Variants in LRRC4C observed in about 807,000 individuals in gnomAD.
LRRC4C encodes leucine rich repeat containing 4C.
A neutral mutation model predicts 33.6 loss-of-function variants in LRRC4C; 5 were observed. The observed-to-expected ratio is 0.15, with a 90% CI of 0.08 to 0.31. The LOEUF is 0.31. Ranked by LOEUF, LRRC4C falls within the 10% of genes least tolerant of loss-of-function variation. The probability of loss-of-function intolerance (pLI) is 1.00; values close to 1 mark genes in which losing one functional copy is unlikely to be tolerated. For missense variants in LRRC4C, 560 were observed against 796.7 expected, an observed-to-expected ratio of 0.70 and a Z score of 3.58; for synonymous variants, 329 against 302.0, an observed-to-expected ratio of 1.09 and a Z score of -0.93.
intron 3 of LRRC4C, among the ~76,000 whole-genome samples, chr11:40,365,489 C>A (rs1023672683): frequency 2.6e-5 from 4 of 151,960 alleles, no homozygotes; most frequent in Admixed American, 6.6e-5. Context: ...CCCTGTGATA[C>A]ATCATCCTAC....
rs188645562 is a variant in LRRC4C, at chr11:41,248,582, A to G, written c.-496+210849T>C. Among the ~76,000 whole-genome samples the G allele has an allele frequency of 7.9e-5, 12 of 151,986 alleles. No homozygotes were observed. In the East Asian group the frequency reaches 2.3e-3, roughly 29 times the overall value. On this transcript the variant is annotated intron_variant, in intron 1 of 6. Coordinates refer to ENST00000528697, the MANE Select transcript of LRRC4C (RefSeq NM_001258419.2). The stretch of plus-strand genomic sequence containing the variant: ...TGGTTGGATCTGCCCCATTGTCCCT[A>G]CCTGTATGAAATGGAATATCACAGG...
chr11:40,428,321 A>AT (rs2137819328), intron 3 of LRRC4C, among the ~76,000 whole-genome samples: 1 of 152,316 alleles, frequency 6.6e-6, no homozygotes, highest in East Asian at 1.9e-4. Context: ...TTCCAAAAGG[A>AT]TTTTATAACT....
intron 3 of LRRC4C, among the ~76,000 whole-genome samples, chr11:40,590,230 A>G (rs1030594233): frequency 1.3e-5 from 2 of 150,962 alleles, no homozygotes; most frequent in Admixed American, 6.6e-5. Context: ...TCTTCATTTC[A>G]TCTTCCATTG....
At chr11:40,900,435 G>T (rs1481530586) in intron 2 of LRRC4C, among the ~76,000 whole-genome samples, 1 of 151,974 alleles carries the variant, frequency 6.6e-6, no homozygotes, top group African/African-American at 2.4e-5. Flanking sequence ...AAACCACTTG[G>T]CAATAATTGT....
intron 3 of LRRC4C, among the ~76,000 whole-genome samples, chr11:40,521,318 T>A (rs1955802272): frequency 6.6e-6 from 1 of 152,180 alleles, no homozygotes; most frequent in East Asian, 1.9e-4. Flanking sequence ...AGATAATAAG[T>A]CATTAAATAA....
intron 1 of LRRC4C, among the ~76,000 whole-genome samples, chr11:41,006,890 T>G (rs1854793224): frequency 6.6e-6 from 1 of 152,128 alleles, no homozygotes; most frequent in African/African-American, 2.4e-5. Flanking sequence ...CATAGATTTC[T>G]TCTTAAAGAA....
intron 1 of LRRC4C, among the ~76,000 whole-genome samples, chr11:41,454,886 G>C (rs1956130867): frequency 6.6e-6 from 1 of 152,124 alleles, no homozygotes; most frequent in African/African-American, 2.4e-5. Context: ...ACAGGAATGA[G>C]AGAATATATG....
At position 40,308,536 on chromosome 11, in the gene LRRC4C, G is replaced by A. The variant is rs549371528; in HGVS notation, c.-176+11092C>T. 2.0e-5 allele frequency among the ~76,000 whole-genome samples: 3 copies of A among 152,262 alleles called. No individual in the cohort carries two copies. The South Asian group carries it at 6.2e-4, about 32-fold the overall frequency. On this transcript the variant is annotated intron_variant, in intron 4 of 6. Coordinates refer to ENST00000528697, the MANE Select transcript of LRRC4C (RefSeq NM_001258419.2). Reference sequence around the variant, plus strand: ...GGGAGATTATCCTGGATGACCTGGTGGGTCCAATGTAATTATAAGGGTCCT... The same window carrying A: ...GGGAGATTATCCTGGATGACCTGGTAGGTCCAATGTAATTATAAGGGTCCT...
chr11:40,384,962 T>C (rs190810545), intron 3 of LRRC4C, among the ~76,000 whole-genome samples: 5 of 151,476 alleles, frequency 3.3e-5, no homozygotes, highest in Admixed American at 3.3e-4. Context: ...CTATTTTTAC[T>C]ACATTATTTT....
intron 1 of LRRC4C, among the ~76,000 whole-genome samples, chr11:41,130,672 C>T (rs958659774): frequency 6.6e-6 from 1 of 151,956 alleles, no homozygotes; most frequent in East Asian, 1.9e-4. Context: ...AATATACATT[C>T]ATTTGCCAAT....
chr11:40,526,484 A>G (rs1956055246), intron 3 of LRRC4C, among the ~76,000 whole-genome samples: 1 of 128,710 alleles, frequency 7.8e-6, no homozygotes, highest in South Asian at 2.1e-4. Context: ...AAGACACTCA[A>G]CTCCATTAGT....
chr11:40,732,983 A>G (rs1947668283), intron 2 of LRRC4C, among the ~76,000 whole-genome samples: 1 of 151,180 alleles, frequency 6.6e-6, no homozygotes, highest in African/African-American at 2.4e-5. Context: ...TACTTGGTCT[A>G]AGGATCCACA....
At chr11:41,082,017 A>C (rs964603166) in intron 1 of LRRC4C, among the ~76,000 whole-genome samples, 1 of 151,998 alleles carries the variant, frequency 6.6e-6, no homozygotes, top group African/African-American at 2.4e-5. Flanking sequence ...TTCAGATGGC[A>C]GCCTTTGAAC....
At chr11:41,212,291 G>T (rs528663164) in intron 1 of LRRC4C, among the ~76,000 whole-genome samples, 1 of 152,178 alleles carries the variant, frequency 6.6e-6, no homozygotes, top group Non-Finnish European at 1.5e-5. Flanking sequence ...ACTGTGTTAA[G>T]AAATTAATCA....
intron 2 of LRRC4C, among the ~76,000 whole-genome samples, chr11:40,726,628 G>A (rs988168713): frequency 6.6e-6 from 1 of 152,084 alleles, no homozygotes; most frequent in Non-Finnish European, 1.5e-5. Flanking sequence ...GAGGCATCTT[G>A]GCCAAGCCCA....
chr11:40,831,232 G>A (rs554873740), intron 2 of LRRC4C, among the ~76,000 whole-genome samples: 2 of 152,232 alleles, frequency 1.3e-5, no homozygotes, highest in South Asian at 4.1e-4. Flanking sequence ...TTCTGAAATT[G>A]TTACTTTTGC....
intron 1 of LRRC4C, among the ~76,000 whole-genome samples, chr11:41,416,442 T>A (rs1954683688): frequency 2.6e-5 from 4 of 152,030 alleles, no homozygotes; most frequent in Non-Finnish European, 2.9e-5. Context: ...GAAAGGAACA[T>A]CAGGCCTTCT....
At chr11:41,319,877 C>A (rs1950905098) in intron 1 of LRRC4C, among the ~76,000 whole-genome samples, 1 of 151,868 alleles carries the variant, frequency 6.6e-6, no homozygotes, top group South Asian at 2.1e-4. Context: ...TGATTTGGGA[C>A]TTTCATTTTT....
At chr11:40,278,468 A>T (rs1358711884) in intron 4 of LRRC4C, among the ~76,000 whole-genome samples, 2 of 152,186 alleles carry the variant, frequency 1.3e-5, no homozygotes, top group Non-Finnish European at 2.9e-5. Context: ...ACTGAAGATG[A>T]TTCTTTTGTT....
Sources: gnomAD v4.1 joint callset for allele counts (sites outside exome capture counted in the v4.1 genomes callset) on GRCh38, gnomAD v4.1.1 for gene constraint, MANE v1.5 for transcripts, NCBI Gene and HGNC (gene_info 2026-07-23, HGNC 2026-07-21) for gene names.